PDE6D: variants seen among roughly 807,000 people sequenced by gnomAD.
PDE6D encodes retinal rod rhodopsin-sensitive cGMP 3',5'-cyclic phosphodiesterase subunit delta.
Under a neutral mutation model 21.9 loss-of-function variants are expected in PDE6D, and 10 were observed. The observed-to-expected ratio is 0.46, with a 90% CI of 0.28 to 0.78. PDE6D has a LOEUF of 0.78. PDE6D is among the 30% of genes least tolerant of loss of function. PDE6D has a pLI of 0.12. For missense variants in PDE6D, 139 were observed against 184.8 expected (o/e 0.75, Z 1.44); for synonymous variants, 59 against 63.5 (o/e 0.93, Z 0.34).
At chr2:231,754,071 G>A (rs2048864138) in intron 1 of PDE6D, among the ~76,000 whole-genome samples, 1 of 152,150 alleles carries the variant, frequency 6.6e-6, no homozygotes, top group Admixed American at 6.5e-5. Context: ...CCAATTAAGT[G>A]TTATGATGAC....
In PDE6D at chr2:231,739,234, C is replaced by T; in HGVS notation, c.51-46G>A. On this transcript the variant is annotated intron_variant, in intron 1 of 4. Coordinates refer to ENST00000287600, the MANE Select transcript of PDE6D (RefSeq NM_002601.4). This position sits in a 1 kb window ranked among gnomAD's most constrained non-coding sequence, Gnocchi z 4.2. Reference sequence around the variant, plus strand: ...AAAAATAAGGCACTGAAAGTGACTCCCACTTTGTATTCTAGGTGTCTCATG... The same window carrying T: ...AAAAATAAGGCACTGAAAGTGACTCTCACTTTGTATTCTAGGTGTCTCATG... 1 of 1,180,552 alleles carries T rather than the reference C, an allele frequency of 8.5e-7. No homozygotes were observed. The highest frequency in any genetic ancestry group is 1.3e-6 in the Non-Finnish European group (1 of 784,524). 73.1% of individuals were successfully genotyped at this position (1,180,552 alleles called of 1,614,324 possible). A position where few individuals can be genotyped will look rare whatever the true frequency, so the allele number is the denominator to read the frequency against.
Position 231,739,775 on chromosome 2 carries a change from G to C in PDE6D, c.51-587C>G, listed in dbSNP as rs559198651. On this transcript the variant is annotated intron_variant, in intron 1 of 4. Coordinates refer to ENST00000287600, the MANE Select transcript of PDE6D (RefSeq NM_002601.4). This position sits in a 1 kb window ranked among gnomAD's most constrained non-coding sequence, Gnocchi z 4.2. ...GCCTCCTGAGTAGCTGGAATTATAG[G>C]AGCACGTCACCAAGCCCAGCTTATT... Among the ~76,000 whole-genome samples, 1 of 152,104 alleles carries C rather than the reference G, an allele frequency of 6.6e-6. No individual in the cohort carries two copies. The highest frequency in any genetic ancestry group is 2.4e-5 in the African/African-American group (1 of 41,492).
At chr2:231,755,859 G>C (rs189225041) in intron 1 of PDE6D, among the ~76,000 whole-genome samples, 1 of 152,132 alleles carries the variant, frequency 6.6e-6, no homozygotes, top group Non-Finnish European at 1.5e-5. Flanking sequence ...GGCAGAGGTT[G>C]CAGTGAGCTG....
chr2:231,745,933 A>AG (rs775878478), intron 1 of PDE6D, among the ~76,000 whole-genome samples: 1 of 152,142 alleles, frequency 6.6e-6, no homozygotes, highest in East Asian at 1.9e-4. Context: ...AGAAGAGATC[A>AG]GTTAGATGAA....
At chr2:231,775,801 TTAAA>T (rs1298708353) in intron 1 of PDE6D, among the ~76,000 whole-genome samples, 2 of 151,972 alleles carry the variant, frequency 1.3e-5, no homozygotes, top group Admixed American at 6.6e-5. Context: ...TATAAATGAA[TTAAA>T]TAAATAAATG....
intron 1 of PDE6D, among the ~76,000 whole-genome samples, chr2:231,750,481 C>CATTTTT (rs1553557786): frequency 7.5e-6 from 1 of 133,562 alleles, no homozygotes. Flanking sequence ...ATCCATATCA[C>CATTTTT]TTTTTTTTTT....
Position 231,732,711 on chromosome 2 carries a change from T to G in PDE6D, c.*241A>C, listed in dbSNP as rs2048661602. 5 of 434,312 alleles carry G rather than the reference T, an allele frequency of 1.2e-5. No homozygotes were observed. The allele number at this position is 434,312 out of a possible 1,614,324, so 26.9% of individuals were successfully genotyped here. A position where few individuals can be genotyped will look rare whatever the true frequency, so the allele number is the denominator to read the frequency against. ...TGTATGCTGGGAAGGACTTGAGACC[T>G]GTCCCCTGCCCTGGTCTGGGGTTGG... On this transcript the variant is annotated 3_prime_UTR_variant, in exon 5 of 5. Transcript: ENST00000287600.
intron 1 of PDE6D, among the ~76,000 whole-genome samples, chr2:231,740,068 CAT>C (rs1300309044): frequency 6.6e-6 from 1 of 152,074 alleles, no homozygotes; most frequent in African/African-American, 2.4e-5. Flanking sequence ...AGAGATAAGA[CAT>C]AACCTTTACA....
intron 1 of PDE6D, among the ~76,000 whole-genome samples, chr2:231,760,784 T>C (rs1001232671): frequency 1.3e-5 from 2 of 152,212 alleles, no homozygotes; most frequent in African/African-American, 4.8e-5. Context: ...CCATATACTT[T>C]TGGAGCCCTT....
At chr2:231,775,383 C>T (rs1207336068) in intron 1 of PDE6D, among the ~76,000 whole-genome samples, 1 of 151,974 alleles carries the variant, frequency 6.6e-6, no homozygotes, top group Non-Finnish European at 1.5e-5. Flanking sequence ...AGTCTTGGCT[C>T]ACTGCGACCT....
chr2:231,776,599 A>G (rs1343284545), intron 1 of PDE6D, among the ~76,000 whole-genome samples: 2 of 152,244 alleles, frequency 1.3e-5, no homozygotes. Flanking sequence ...TTGCTTTTGA[A>G]GATATTCCTT....
At chr2:231,762,641 G>A (rs1041412287) in intron 1 of PDE6D, among the ~76,000 whole-genome samples, 3 of 152,094 alleles carry the variant, frequency 2.0e-5, no homozygotes, top group Non-Finnish European at 4.4e-5. Flanking sequence ...CACCGTGCCT[G>A]GCCTAACAAT....
At chr2:231,744,434 CTTTTT>C (rs71396691) in intron 1 of PDE6D, among the ~76,000 whole-genome samples, 1 of 136,212 alleles carries the variant, frequency 7.3e-6, no homozygotes. Flanking sequence ...AATTGCTTTT[CTTTTT>C]TTTTTTTTTT....
At chr2:231,754,324 C>T (rs938078574) in intron 1 of PDE6D, among the ~76,000 whole-genome samples, 1 of 151,818 alleles carries the variant, frequency 6.6e-6, no homozygotes, top group East Asian at 1.9e-4. Context: ...ATAGTCTTCA[C>T]TTCCATTGCT....
intron 1 of PDE6D, among the ~76,000 whole-genome samples, chr2:231,759,997 T>C (rs1346323234): frequency 1.3e-5 from 2 of 152,218 alleles, no homozygotes; most frequent in African/African-American, 2.4e-5. Context: ...AAACATTTAA[T>C]GTAAAGATAT....
intron 4 of PDE6D, 144 bp from the exon 5 acceptor site, chr2:231,733,177 C>A: frequency 1.6e-6 from 1 of 635,852 alleles, no homozygotes; most frequent in Middle Eastern, 2.6e-4. Context: ...ACATTAAAAT[C>A]CTTGTCTATA....
At chr2:231,738,215 C>G in intron 2 of PDE6D, 77 bp from the exon 3 acceptor site, 1 of 1,336,034 alleles carries the variant, frequency 7.5e-7, no homozygotes, top group Non-Finnish European at 1.0e-6. Context: ...TTTCTGGGAG[C>G]TTCTTACAGC....
intron 1 of PDE6D, among the ~76,000 whole-genome samples, chr2:231,742,011 CA>C (rs912064425): frequency 6.6e-6 from 1 of 151,982 alleles, no homozygotes; most frequent in African/African-American, 2.4e-5. Context: ...TTAGAAATAC[CA>C]AGATGAATAC....
rs146322148 is a variant in PDE6D at position 231,769,049 on chromosome 2, A to G, written c.50+12016T>C. Among the ~76,000 whole-genome samples, 1,142 of 151,974 alleles carry G rather than the reference A, an allele frequency of 7.5e-3. 15 individuals carry two copies. Among genetic ancestry groups the G allele is most frequent in the African/African-American group, 0.026 (1,080 of 41,432 alleles). ...ACGCCCGGCTCATTTTGGTATTTTT[A>G]GTGGTGACGGGGTTTCATCATACTG... is the stretch of plus-strand genomic sequence containing the variant. On this transcript the variant is annotated intron_variant, in intron 1 of 4. Coordinates refer to ENST00000287600, the MANE Select transcript of PDE6D (RefSeq NM_002601.4).
Sources: gnomAD v4.1 joint callset for allele counts (sites outside exome capture counted in the v4.1 genomes callset) on GRCh38, gnomAD v4.1.1 for gene constraint, Gnocchi (gnomAD v3.1) non-coding constraint, MANE v1.5 for transcripts, NCBI Gene and HGNC (gene_info 2026-07-23, HGNC 2026-07-21) for gene names.